The following ITGAE variants were observed in gnomAD, a reference collection of about 807,000 sequenced individuals.
The protein encoded by ITGAE is integrin alpha-E.
ITGAE carries 99 observed loss-of-function variants against 136.5 expected under a neutral mutation model. The observed-to-expected ratio is 0.73, with a 90% CI of 0.62 to 0.86. The LOEUF (loss-of-function observed/expected upper bound fraction) is 0.86, where lower values mean the gene tolerates loss of function less well. Among genes scored for constraint, ITGAE ranks in the 40% least tolerant of loss-of-function variants. ITGAE has a pLI of 0.00. For synonymous variants in ITGAE, 613 were observed against 591.8 expected, an observed-to-expected ratio of 1.04 and a Z score of -0.52; for missense variants, 1,447 against 1,515.3, an observed-to-expected ratio of 0.95 and a Z score of 0.75.
In ITGAE at chr17:3,801,112, G is replaced by C. The variant is rs751377113; in HGVS notation, c.33C>G (p.Ala11=). 1.2e-6 allele frequency: 2 copies of C among 1,612,866 alleles called. No homozygotes were observed. Among genetic ancestry groups the C allele is most frequent in the Non-Finnish European group, 8.5e-7 (1 of 1,179,998 alleles). The change falls in exon 1 of 31, where the codon GCC becomes GCG. Residue 11 remains alanine (A), a splice_region_variant and synonymous_variant. Transcript: ENST00000263087. The part of the protein sequence containing the change: MWLFHTLLCI[A]SLALLAAFNV... ...GAAGCAGCGGGTGAGAGGACTTACT[G>C]GCTATGCAGAGCAGAGTGTGGAAGA... is the stretch of plus-strand genomic sequence containing the variant.
chr17:3,786,019 T>C (rs2052786500), intron 1 of ITGAE, among the ~76,000 whole-genome samples: 1 of 151,526 alleles, frequency 6.6e-6, no homozygotes, highest in Non-Finnish European at 1.5e-5. Context: ...TACAAAAAAT[T>C]AGCCGGGCGT....
intron 3 of ITGAE, 114 bp downstream of exon 3, chr17:3,763,755 G>A: frequency 1.2e-6 from 1 of 826,454 alleles, no homozygotes; most frequent in Non-Finnish European, 2.1e-6. Flanking sequence ...GAGTCTAGGG[G>A]TGAACGGGCT....
At chr17:3,763,076 A>G (rs2052213700) in intron 3 of ITGAE, among the ~76,000 whole-genome samples, 1 of 152,114 alleles carries the variant, frequency 6.6e-6, no homozygotes, top group Non-Finnish European at 1.5e-5. Context: ...TATTTTTGGT[A>G]GAGATGGGGT....
intron 17 of ITGAE, among the ~76,000 whole-genome samples, chr17:3,747,023 C>T (rs1054270013): frequency 2.0e-5 from 3 of 152,226 alleles, no homozygotes; most frequent in Non-Finnish European, 4.4e-5. Context: ...GATTAAACCT[C>T]GGGGACTGTT....
intron 1 of ITGAE, among the ~76,000 whole-genome samples, chr17:3,779,185 C>A (rs953905273): frequency 6.6e-6 from 1 of 151,994 alleles, no homozygotes; most frequent in Non-Finnish European, 1.5e-5. Flanking sequence ...TCAGAACACA[C>A]GCAATGAATG....
rs763004462 is a variant in ITGAE at position 3,725,312 on chromosome 17, T to G, written c.3085-1568A>C. On this transcript the variant is annotated intron_variant, in intron 26 of 30. Coordinates refer to ENST00000263087, the MANE Select transcript of ITGAE (RefSeq NM_002208.5). ...GTATTTCAAACAAAAAGGCATCTGATGCTGAAAAGGTTTATGGGGAATGCA... is the reference window on the plus strand; with the variant it reads ...GTATTTCAAACAAAAAGGCATCTGAGGCTGAAAAGGTTTATGGGGAATGCA... 9.3e-6 allele frequency: 15 copies of G among 1,614,186 alleles called. No homozygotes were observed. The South Asian group carries it at 1.6e-4, about 18-fold the overall frequency.
At chr17:3,729,711 C>CA in intron 23 of ITGAE, 156 bp from the exon 24 acceptor site, 1 of 616,696 alleles carries the variant, frequency 1.6e-6, no homozygotes, top group South Asian at 1.7e-5. Context: ...TCTCATGCCT[C>CA]AGCCTCCTGA....
At chr17:3,737,446 G>A (rs536495126) in intron 20 of ITGAE, among the ~76,000 whole-genome samples, 1 of 142,702 alleles carries the variant, frequency 7.0e-6, no homozygotes, top group Non-Finnish European at 1.5e-5. Context: ...GAGTGGTGCC[G>A]GTGGCTGAGT....
intron 2 of ITGAE, among the ~76,000 whole-genome samples, chr17:3,764,984 T>G (rs544260762): frequency 6.6e-6 from 1 of 152,264 alleles, no homozygotes; most frequent in Admixed American, 6.5e-5. Context: ...GTCCAAGGTC[T>G]TTCTGCAGAG....
intron 21 of ITGAE, among the ~76,000 whole-genome samples, chr17:3,732,729 A>C (rs2051373592): frequency 6.6e-6 from 1 of 152,178 alleles, no homozygotes; most frequent in African/African-American, 2.4e-5. Flanking sequence ...GCAGTGGAGA[A>C]ATATGAATTC....
At position 3,728,178 on chromosome 17, in the gene ITGAE, AC is replaced by A; in HGVS notation, c.2913-11del. On this transcript the variant is annotated splice_polypyrimidine_tract_variant and intron_variant, in intron 24 of 30. Coordinates refer to ENST00000263087, the MANE Select transcript of ITGAE (RefSeq NM_002208.5). The stretch of plus-strand genomic sequence containing the variant: ...GTACATTATGGATGGTCTGCAATTG[AC>A]AGGACATGCGTCAGCCCTTGAGGAG... The A allele has an allele frequency of 2.5e-6, 4 of 1,609,464 alleles. No individual in the cohort carries two copies. The highest frequency in any genetic ancestry group is 3.4e-6 in the Non-Finnish European group (4 of 1,175,868).
intron 18 of ITGAE, among the ~76,000 whole-genome samples, chr17:3,744,145 G>A (rs942519363): frequency 6.6e-6 from 1 of 151,806 alleles, no homozygotes; most frequent in Non-Finnish European, 1.5e-5. Context: ...CAAAGTGCTG[G>A]GATTTCCAAA....
chr17:3,716,488 A>G (rs934440115), intron 30 of ITGAE, among the ~76,000 whole-genome samples, 200 bp downstream of exon 30: 2 of 152,234 alleles, frequency 1.3e-5, no homozygotes, highest in Non-Finnish European at 2.9e-5. Context: ...ATCACTCTTT[A>G]TAACTCAGAG....
At chr17:3,718,358 A>C (rs2050981625) in intron 29 of ITGAE, 1 of 152,244 alleles carries the variant, frequency 6.6e-6, no homozygotes, top group Non-Finnish European at 1.5e-5. Flanking sequence ...GTATCCTGCC[A>C]TGTGAAAATA....
At chr17:3,751,946 A>C in intron 14 of ITGAE, 72 bp from the exon 15 acceptor site, 1 of 1,312,510 alleles carries the variant, frequency 7.6e-7, no homozygotes, top group Non-Finnish European at 1.1e-6. Flanking sequence ...ACCCCGATGC[A>C]CGCTCACTGG....
intron 26 of ITGAE, chr17:3,724,252 G>T (rs1223719414): frequency 6.3e-7 from 1 of 1,592,470 alleles, no homozygotes. Flanking sequence ...CTGCGAGCTC[G>T]CCCAAGCCTA....
At position 3,723,348 on chromosome 17, in the gene ITGAE, G is replaced by T; in HGVS notation, c.3177C>A (p.Ile1059=). 1.2e-6 allele frequency: 2 copies of T among 1,613,862 alleles called. No individual in the cohort carries two copies. Among genetic ancestry groups the T allele is most frequent in the Non-Finnish European group, 1.7e-6 (2 of 1,179,722 alleles). ...CGGTGACATTTTCTTTATCTGAAGC[G>T]ATGACACAGCTCACTGAATGCCATT... The part of the protein sequence containing the change: ...VEEWHSVSCV[I]ASDKENVTVA... Residue 1059 remains isoleucine, a synonymous_variant, in exon 28 of 31, where the codon ATC becomes ATA. Transcript: ENST00000263087.
intron 1 of ITGAE, among the ~76,000 whole-genome samples, chr17:3,787,226 C>T (rs913567246): frequency 6.6e-6 from 1 of 151,868 alleles, no homozygotes. Flanking sequence ...ATTCTCCTGC[C>T]TCAGCCTCCC....
chr17:3,783,959 G>A (rs73318162), intron 1 of ITGAE, among the ~76,000 whole-genome samples: 9,584 of 152,266 alleles, frequency 0.063, 378 homozygotes, highest in African/African-American at 0.11. Context: ...AGCCTTTTAC[G>A]TCAACTATAA....
Sources: gnomAD v4.1 joint callset for allele counts (sites outside exome capture counted in the v4.1 genomes callset) on GRCh38, gnomAD v4.1.1 for gene constraint, MANE v1.5 for transcripts, NCBI Gene and HGNC (gene_info 2026-07-23, HGNC 2026-07-21) for gene names.